SERBP1: variants seen among roughly 807,000 people sequenced by gnomAD.
SERBP1 encodes the protein SERPINE1 mRNA binding protein 1, also known as SERPINE1 mRNA-binding protein 1.
A neutral mutation model predicts 50.2 loss-of-function variants in SERBP1; 6 were observed. The ratio of observed to expected loss-of-function variants is 0.12; its 90% confidence interval spans 0.07 to 0.24. SERBP1 has a LOEUF of 0.24. Among genes scored for constraint, SERBP1 ranks in the 10% least tolerant of loss-of-function variants. The pLI is 1.00. For missense variants in SERBP1, 346 were observed against 524.9 expected, an observed-to-expected ratio of 0.66 and a Z score of 3.33; for synonymous variants, 168 against 182.8, an observed-to-expected ratio of 0.92 and a Z score of 0.65.
At position 67,408,299 on chromosome 1, in the gene SERBP1, C is replaced by A. The variant is rs1369972351; in HGVS notation, c.*4908G>T. ...ACCAGGCATCTTTTATATATACTTT[C>A]TTGCATATACAAGTCTCAAGAAGAG... On this transcript the variant is annotated 3_prime_UTR_variant, in exon 8 of 8. Transcript: ENST00000361219. The A allele has an allele frequency of 6.6e-6, 1 of 152,142 alleles. No individual in the cohort carries two copies. The highest frequency in any genetic ancestry group is 1.5e-5 in the Non-Finnish European group (1 of 68,026). The allele number at this position is 152,142 out of a possible 1,614,324, so 9.4% of individuals were successfully genotyped here.
In SERBP1 at chr1:67,424,963, T is replaced by A; in HGVS notation, c.620A>T (p.Tyr207Phe). The change falls in exon 4 of 8, where the codon TAC becomes TTC. Residue 207 changes from tyrosine (Y) to phenylalanine (F), a missense_variant. By Grantham distance (22) the Tyr-to-Phe change is conservative. Around this residue, in one of 5 missense-constraint regions of SERBP1, gnomAD observed 257 missense variants for 331.2 expected, o/e 0.78. Transcript: ENST00000361219. ...SGSDRSSFSHYSGLKHEDKRG... is the reference protein window; with the variant it reads ...SGSDRSSFSHFSGLKHEDKRG... ...TTTGTCCTCGTGCTTCAGGCCACTGTAATGTGAAAAAGAACTAACAAAACT... is the reference window on the plus strand; with the variant it reads ...TTTGTCCTCGTGCTTCAGGCCACTGAAATGTGAAAAAGAACTAACAAAACT... The A allele has an allele frequency of 6.2e-7, 1 of 1,613,066 alleles. No homozygotes were observed. Among genetic ancestry groups the A allele is most frequent in the South Asian group, 1.1e-5 (1 of 91,022 alleles).
intron 7 of SERBP1, among the ~76,000 whole-genome samples, chr1:67,413,648 CAA>C (rs576070396): frequency 4.2e-4 from 28 of 66,110 alleles, no homozygotes; most frequent in Admixed American, 3.4e-4. Context: ...GACTCCATCT[CAA>C]AAAAAAAAAA....
chr1:67,409,631 G>C lies in SERBP1; in HGVS notation c.*3576C>G, dbSNP rs1395113988. ...TTTTCACTATATTCTTGAAATTACC[G>C]ACTTCCTCAGCCTGAAAGATTTATT... On this transcript the variant is annotated 3_prime_UTR_variant, in exon 8 of 8. Coordinates refer to ENST00000361219, the MANE Select transcript of SERBP1 (RefSeq NM_001018069.2). The C allele has an allele frequency of 6.6e-6, 1 of 151,908 alleles. No individual in the cohort carries two copies. The highest frequency in any genetic ancestry group is 3.4e-3 in the Middle Eastern group (1 of 294). 9.4% of individuals were successfully genotyped at this position (151,908 alleles called of 1,614,324 possible).
intron 5 of SERBP1, among the ~76,000 whole-genome samples, chr1:67,421,220 T>G (rs1201765003): frequency 1.3e-5 from 2 of 152,200 alleles, no homozygotes; most frequent in African/African-American, 4.8e-5. Flanking sequence ...CCTAGTCATT[T>G]TACAGATGAG....
chr1:67,424,364 C>G, intron 4 of SERBP1, 87 bp from the exon 5 acceptor site: 1 of 1,536,912 alleles, frequency 6.5e-7, no homozygotes, highest in Non-Finnish European at 8.7e-7. Context: ...GGTCCATTTA[C>G]ATGTAGCTGA....
At chr1:67,416,116 G>A (rs1010849837) in intron 6 of SERBP1, among the ~76,000 whole-genome samples, 1 of 150,332 alleles carries the variant, frequency 6.7e-6, no homozygotes, top group African/African-American at 2.4e-5. Flanking sequence ...AGGCTCAAGC[G>A]ATCCTCCCAC....
chr1:67,425,938 A>G (rs979139937), intron 2 of SERBP1, among the ~76,000 whole-genome samples, 197 bp downstream of exon 2: 1 of 152,214 alleles, frequency 6.6e-6, no homozygotes, highest in African/African-American at 2.4e-5. Flanking sequence ...CAATATATAT[A>G]GTGAGACCTC....
At position 67,425,592 on chromosome 1, in the gene SERBP1, CAACT is replaced by C. The variant is rs546786263; in HGVS notation, c.465-373_465-370del. Among the ~76,000 whole-genome samples the C allele has an allele frequency of 1.1e-3, 168 of 152,316 alleles. 1 individual carries two copies. The South Asian group carries it at 0.017, about 16-fold the overall frequency. On this transcript the variant is annotated intron_variant, in intron 2 of 7. Coordinates refer to ENST00000361219, the MANE Select transcript of SERBP1 (RefSeq NM_001018069.2). ...ACAATAAACCAACAGTATTTTCCTT[CAACT>C]AACAGTATTTTCCTTTTAACTCTGT... is the stretch of plus-strand genomic sequence containing the variant.
chr1:67,429,959 G>C (rs777380442), intron 1 of SERBP1, 29 bp downstream of exon 1: 2 of 1,560,110 alleles, frequency 1.3e-6, no homozygotes, highest in South Asian at 1.2e-5. Flanking sequence ...CTCCATCCCA[G>C]TCTCCCCCAC....
intron 7 of SERBP1, among the ~76,000 whole-genome samples, chr1:67,413,543 A>G (rs2100409525): frequency 6.6e-6 from 1 of 151,744 alleles, no homozygotes; most frequent in South Asian, 2.1e-4. Flanking sequence ...CCACTACTCA[A>G]GAGGCTGAGG....
chr1:67,413,254 A>C lies in SERBP1; in HGVS notation c.1135T>G (p.Ser379Ala). ...TCTGGGTCATCCACATCAGGAGCAG[A>C]AGCACTTGACTGAAAAAGAAAAACC... ...RGSRTDKSSASAPDVDDPEAF... is the reference protein window; with the variant it reads ...RGSRTDKSSAAAPDVDDPEAF... Residue 379 changes from serine to alanine, a missense_variant, in exon 8 of 8, where the codon TCT becomes GCT. By Grantham distance (99) the Ser-to-Ala change is moderately conservative. Around this residue, in one of 5 missense-constraint regions of SERBP1, gnomAD observed 68 missense variants for 97.3 expected, o/e 0.70. Coordinates refer to ENST00000361219, the MANE Select transcript of SERBP1 (RefSeq NM_001018069.2). The C allele has an allele frequency of 6.3e-7, 1 of 1,589,744 alleles. No homozygotes were observed. The highest frequency in any genetic ancestry group is 8.5e-7 in the Non-Finnish European group (1 of 1,171,812).
intron 7 of SERBP1, among the ~76,000 whole-genome samples, chr1:67,414,905 A>C (rs1407806275): frequency 2.0e-5 from 3 of 152,250 alleles, no homozygotes; most frequent in Non-Finnish European, 1.5e-5. Context: ...ATTAAATGAC[A>C]TTAAGTACAT....
At chr1:67,414,954 G>A (rs1666954942) in intron 7 of SERBP1, among the ~76,000 whole-genome samples, 1 of 152,112 alleles carries the variant, frequency 6.6e-6, no homozygotes. Flanking sequence ...CACCTAGAAA[G>A]AACTCAAAAG....
Position 67,426,233 on chromosome 1 carries a change from T to G in SERBP1, c.366A>C (p.Lys122Asn). The change falls in exon 2 of 8, where the codon AAA becomes AAC. Residue 122 changes from lysine (K) to asparagine (N), a missense_variant. Physicochemically the swap from Lys to Asn is moderately conservative, Grantham distance 94. Around this residue, in one of 5 missense-constraint regions of SERBP1, gnomAD observed 257 missense variants for 331.2 expected, o/e 0.78. Coordinates refer to ENST00000361219, the MANE Select transcript of SERBP1 (RefSeq NM_001018069.2). ...RPDQQLQGEG[K>N]IIDRRPERRP... is the part of the protein sequence containing the mutation. ...GCCTTTCTGGTCTTCTATCAATTATTTTCCCTTCACCCTGAAGTTGTTGAT... is the reference window on the plus strand; with the variant it reads ...GCCTTTCTGGTCTTCTATCAATTATGTTCCCTTCACCCTGAAGTTGTTGAT... 6.2e-7 allele frequency: 1 copy of G among 1,609,728 alleles called. No individual in the cohort carries two copies. The highest frequency in any genetic ancestry group is 8.5e-7 in the Non-Finnish European group (1 of 1,178,086).
rs1245089198 is a variant in SERBP1, at chr1:67,412,002, A to T, written c.*1205T>A. The stretch of plus-strand genomic sequence containing the variant: ...CTTTCTGTGGAATACTCAACTTACA[A>T]CCAAATAATAGCAATCTAGGAAATT... On this transcript the variant is annotated 3_prime_UTR_variant, in exon 8 of 8. Coordinates refer to ENST00000361219, the MANE Select transcript of SERBP1 (RefSeq NM_001018069.2). 1 of 152,612 alleles carries T rather than the reference A, an allele frequency of 6.6e-6. No individual in the cohort carries two copies. The highest frequency in any genetic ancestry group is 1.5e-5 in the Non-Finnish European group (1 of 68,020). 9.5% of individuals were successfully genotyped at this position (152,612 alleles called of 1,614,324 possible).
At chr1:67,427,162 C>G (rs1167538246) in intron 1 of SERBP1, among the ~76,000 whole-genome samples, 1 of 152,204 alleles carries the variant, frequency 6.6e-6, no homozygotes, top group Non-Finnish European at 1.5e-5. Context: ...ACCAAATACA[C>G]ACACGTTAAG....
chr1:67,425,476 T>A (rs973370778), intron 2 of SERBP1, among the ~76,000 whole-genome samples: 1 of 152,232 alleles, frequency 6.6e-6, no homozygotes, highest in Non-Finnish European at 1.5e-5. Flanking sequence ...CCACTGCTAT[T>A]CATTGCACAT....
At position 67,408,392 on chromosome 1, in the gene SERBP1, A is replaced by G. The variant is rs1403571097; in HGVS notation, c.*4815T>C. 6.6e-6 allele frequency: 1 copy of G among 152,196 alleles called. No individual in the cohort carries two copies. Among genetic ancestry groups the G allele is most frequent in the African/African-American group, 2.4e-5 (1 of 41,446 alleles). 9.4% of individuals were successfully genotyped at this position (152,196 alleles called of 1,614,324 possible). On this transcript the variant is annotated 3_prime_UTR_variant, in exon 8 of 8. Coordinates refer to ENST00000361219, the MANE Select transcript of SERBP1 (RefSeq NM_001018069.2). ...ATGGGCAGCAAAAGGAACAAACATT[A>G]CTGATTTAAAACAGTATATACATAC... is the stretch of plus-strand genomic sequence containing the variant.
In SERBP1 at chr1:67,420,366, AGT is replaced by A. The variant is rs1570291788; in HGVS notation, c.774-182_774-181del. On this transcript the variant is annotated intron_variant, in intron 5 of 7. Transcript: ENST00000361219. ...GCAACTTGGTAGAGACCAGGAATTC[AGT>A]GTTTGCTAATTAGAGACAAGTAAGG... The A allele has an allele frequency of 5.6e-6, 3 of 533,830 alleles. No homozygotes were observed. The East Asian group carries it at 9.5e-5, about 17-fold the overall frequency. The allele number at this position is 533,830 out of a possible 1,614,324, so 33.1% of individuals were successfully genotyped here. A position where few individuals can be genotyped will look rare whatever the true frequency, so the allele number is the denominator to read the frequency against.
Sources: gnomAD v4.1 joint callset for allele counts (sites outside exome capture counted in the v4.1 genomes callset) on GRCh38, gnomAD v4.1.1 for gene constraint, gnomAD v4.1.1 regional missense constraint, MANE v1.5 for transcripts, NCBI Gene and HGNC (gene_info 2026-07-23, HGNC 2026-07-21) for gene names.